The following BCAR3 variants were observed in gnomAD, a reference collection of about 807,000 sequenced individuals.
BCAR3 encodes the protein BCAR3 adaptor protein, NSP family member.
BCAR3 carries 37 observed loss-of-function variants against 80.1 expected under a neutral mutation model. That is an observed-to-expected ratio of 0.46 (90% CI 0.36 to 0.61). The LOEUF is 0.61. BCAR3 is among the 20% of genes least tolerant of loss of function. The pLI, the probability that BCAR3 is intolerant of heterozygous loss-of-function variation, is 0.00. For missense variants in BCAR3, 978 were observed against 1,068.2 expected, an observed-to-expected ratio of 0.92 and a Z score of 1.18; for synonymous variants, 389 against 418.9, an observed-to-expected ratio of 0.93 and a Z score of 0.87.
intron 2 of BCAR3, among the ~76,000 whole-genome samples, chr1:93,735,179 G>A (rs1392698790): frequency 2.0e-5 from 3 of 152,226 alleles, no homozygotes; most frequent in Admixed American, 6.5e-5. Context: ...TGGTGGATCC[G>A]GGCCTCTGGT....
intron 2 of BCAR3, among the ~76,000 whole-genome samples, chr1:93,737,443 T>G (rs1294558351): frequency 6.6e-6 from 1 of 152,116 alleles, no homozygotes; most frequent in Non-Finnish European, 1.5e-5. Context: ...GAAGAAGCCA[T>G]GTGACAACAG....
chr1:93,603,288 G>A (rs781416048), intron 3 of BCAR3, among the ~76,000 whole-genome samples: 1 of 152,238 alleles, frequency 6.6e-6, no homozygotes. Flanking sequence ...GGTCCAGGAC[G>A]TTGCCAGAAC....
chr1:93,638,317 C>A, intron 3 of BCAR3, among the ~76,000 whole-genome samples: 1 of 152,166 alleles, frequency 6.6e-6, no homozygotes, highest in East Asian at 1.9e-4. Flanking sequence ...GGATGTGAAT[C>A]TCTGTTGGAC....
At chr1:93,728,830 T>G in intron 2 of BCAR3, among the ~76,000 whole-genome samples, 1 of 152,016 alleles carries the variant, frequency 6.6e-6, no homozygotes, top group East Asian at 1.9e-4. Context: ...GGTCTCAGGG[T>G]TTTTATAGAC....
At chr1:93,817,233 G>T (rs1387375183) in intron 2 of BCAR3, among the ~76,000 whole-genome samples, 1 of 152,198 alleles carries the variant, frequency 6.6e-6, no homozygotes, top group Non-Finnish European at 1.5e-5. Context: ...TATGAGGGAA[G>T]AAATGGGCCA....
At chr1:93,797,872 C>T (rs1021089587) in intron 2 of BCAR3, among the ~76,000 whole-genome samples, 2 of 152,122 alleles carry the variant, frequency 1.3e-5, no homozygotes, top group African/African-American at 4.8e-5. Flanking sequence ...ATTCTTCAAC[C>T]CAATGAGAGA....
chr1:93,571,980 G>A (rs1354062940), intron 8 of BCAR3, 139 bp from the exon 9 acceptor site: 40 of 1,042,952 alleles, frequency 3.8e-5, no homozygotes, highest in Non-Finnish European at 4.9e-5. Context: ...CAGTTTAGAC[G>A]GCCAATCTCA....
chr1:93,730,608 C>T (rs140128355), intron 2 of BCAR3, among the ~76,000 whole-genome samples: 412 of 152,302 alleles, frequency 2.7e-3, no homozygotes, highest in African/African-American at 9.2e-3. Flanking sequence ...AACTGAAAAC[C>T]CCCAGGGTAT....
At chr1:93,581,693 C>T (rs1339054179) in intron 7 of BCAR3, among the ~76,000 whole-genome samples, 1 of 152,186 alleles carries the variant, frequency 6.6e-6, no homozygotes. Flanking sequence ...AGGCTTGAGC[C>T]AACATGCTCC....
rs1674255360 is a variant in BCAR3, at chr1:93,592,506, C to T, written c.358-113G>A. 4 of 1,361,294 alleles carry T rather than the reference C, an allele frequency of 2.9e-6. No homozygotes were observed. Among genetic ancestry groups the T allele is most frequent in the Non-Finnish European group, 3.9e-6 (4 of 1,014,796 alleles). The allele number at this position is 1,361,294 out of a possible 1,614,324, so 84.3% of individuals were successfully genotyped here. ...AACCAGTTATGCTACAGCCTGCATT[C>T]AGGTAGGGGAGCCTGGATAATGATT... On this transcript the variant is annotated intron_variant, in intron 3 of 11. Transcript: ENST00000260502. This position sits in a 1 kb window ranked among gnomAD's most constrained non-coding sequence, Gnocchi z 4.8.
At chr1:93,783,900 T>C (rs1382810797) in intron 2 of BCAR3, among the ~76,000 whole-genome samples, 2 of 152,210 alleles carry the variant, frequency 1.3e-5, no homozygotes, top group African/African-American at 4.8e-5. Context: ...ATAGACACTA[T>C]GTGATTTCTG....
At chr1:93,838,527 C>T (rs1477603077) in intron 2 of BCAR3, among the ~76,000 whole-genome samples, 1 of 152,176 alleles carries the variant, frequency 6.6e-6, no homozygotes, top group Non-Finnish European at 1.5e-5. Context: ...TATCAACATG[C>T]ATTTTGGTGG....
chr1:93,750,289 C>A (rs1435237313), intron 2 of BCAR3, among the ~76,000 whole-genome samples: 1 of 152,200 alleles, frequency 6.6e-6, no homozygotes, highest in East Asian at 1.9e-4. Context: ...ATAAACTCTT[C>A]ATCTTGTAGC....
chr1:93,580,478 G>T (rs1247359055), intron 7 of BCAR3, among the ~76,000 whole-genome samples: 1 of 148,880 alleles, frequency 6.7e-6, no homozygotes, highest in African/African-American at 2.5e-5. Context: ...TTCTGCAACA[G>T]TAGATTCAAC....
intron 2 of BCAR3, among the ~76,000 whole-genome samples, chr1:93,754,705 C>T (rs1028898364): frequency 6.6e-5 from 10 of 152,250 alleles, no homozygotes; most frequent in Non-Finnish European, 1.5e-4. Context: ...TGTAAACAAA[C>T]ATATTGCACT....
At chr1:93,645,340 C>CT (rs1434757406) in intron 2 of BCAR3, among the ~76,000 whole-genome samples, 1 of 152,048 alleles carries the variant, frequency 6.6e-6, no homozygotes, top group African/African-American at 2.4e-5. Flanking sequence ...GAATGATCCC[C>CT]TTTTGAGTAC....
intron 2 of BCAR3, among the ~76,000 whole-genome samples, chr1:93,836,901 C>G (rs1248553376): frequency 6.6e-6 from 1 of 152,128 alleles, no homozygotes; most frequent in Non-Finnish European, 1.5e-5. Flanking sequence ...CCGCCCCTGC[C>G]TGCAAGAGAA....
In BCAR3 at chr1:93,808,474, C is replaced by A. The variant is rs1653727323; in HGVS notation, c.-63+37093G>T. ...AATTGTACCTCCTGTATAGCATTTT[C>A]TAGAAAGTTACCTGAGAATACACTC... is the stretch of plus-strand genomic sequence containing the variant. On this transcript the variant is annotated intron_variant, in intron 2 of 13. Transcript: ENST00000370244. 2.6e-5 allele frequency among the ~76,000 whole-genome samples: 4 copies of A among 152,094 alleles called. No individual in the cohort carries two copies. The South Asian group carries it at 8.3e-4, about 31-fold the overall frequency.
chr1:93,728,047 A>G (rs1349918467), intron 2 of BCAR3, among the ~76,000 whole-genome samples: 1 of 152,230 alleles, frequency 6.6e-6, no homozygotes, highest in Non-Finnish European at 1.5e-5. Context: ...AAGCTGGGAG[A>G]GGCAAGGAAG....
Sources: allele counts gnomAD v4.1 joint callset (sites outside exome capture counted in the v4.1 genomes callset), GRCh38; gene constraint gnomAD v4.1.1; non-coding constraint Gnocchi (gnomAD v3.1); transcripts MANE v1.5; gene names NCBI Gene and HGNC (gene_info 2026-07-23, HGNC 2026-07-21).